The following USP47 variants were observed in gnomAD, a reference collection of about 807,000 sequenced individuals.
The protein encoded by USP47 is ubiquitin carboxyl-terminal hydrolase 47.
USP47 carries 35 observed loss-of-function variants against 165.1 expected under a neutral mutation model. That is an observed-to-expected ratio of 0.21 (90% confidence interval 0.16 to 0.28). The LOEUF is 0.28. USP47 is among the 10% of genes least tolerant of loss of function. USP47 has a pLI of 1.00. For missense variants in USP47, 1,277 were observed against 1,607.4 expected (o/e 0.79, Z 3.52); for synonymous variants, 531 against 544.5 (o/e 0.98, Z 0.35).
chr11:11,864,090 AT>A (rs983647421), intron 1 of USP47, among the ~76,000 whole-genome samples: 2 of 152,120 alleles, frequency 1.3e-5, no homozygotes, highest in African/African-American at 4.8e-5. Flanking sequence ...TGAGAGCTAT[AT>A]TTATTTTATA....
At chr11:11,888,735 C>T (rs1851326456) in intron 3 of USP47, among the ~76,000 whole-genome samples, 1 of 152,116 alleles carries the variant, frequency 6.6e-6, no homozygotes, top group Non-Finnish European at 1.5e-5. Flanking sequence ...CCAAACCTGG[C>T]AGAGATACAA....
At chr11:11,893,187 T>C (rs1044117369) in intron 4 of USP47, among the ~76,000 whole-genome samples, 1 of 152,232 alleles carries the variant, frequency 6.6e-6, no homozygotes, top group Non-Finnish European at 1.5e-5. Context: ...GAATAAATCT[T>C]GATAAATTTA....
chr11:11,893,026 A>AAT (rs2134388372), intron 4 of USP47, among the ~76,000 whole-genome samples: 1 of 152,170 alleles, frequency 6.6e-6, no homozygotes, highest in Non-Finnish European at 1.5e-5. Flanking sequence ...TATTCATTTT[A>AAT]GTGCTTGAAA....
intron 5 of USP47, among the ~76,000 whole-genome samples, chr11:11,901,779 T>C (rs1032800800): frequency 6.6e-6 from 1 of 151,918 alleles, no homozygotes; most frequent in African/African-American, 2.4e-5. Flanking sequence ...GCCAACATGG[T>C]GAAACCCAGT....
chr11:11,897,534 T>C (rs746963045), intron 4 of USP47, 63 bp from the exon 5 acceptor site: 73 of 1,189,328 alleles, frequency 6.1e-5, no homozygotes, highest in Non-Finnish European at 7.9e-5. Context: ...TAAATTCTTA[T>C]TATGTTTTTG....
chr11:11,845,111 A>G (rs1014658554), intron 1 of USP47, among the ~76,000 whole-genome samples: 1 of 152,226 alleles, frequency 6.6e-6, no homozygotes. Flanking sequence ...CCATTTATTT[A>G]GTATTTTGTA....
chr11:11,885,861 TG>T (rs1851129403), intron 3 of USP47, among the ~76,000 whole-genome samples: 3 of 152,138 alleles, frequency 2.0e-5, no homozygotes, highest in Non-Finnish European at 4.4e-5. Context: ...CAGGACCCCC[TG>T]GGACAGAGTT....
chr11:11,943,324 A>G, intron 20 of USP47: 1 of 349,674 alleles, frequency 2.9e-6, no homozygotes. Context: ...GATAAGAAGT[A>G]AAAAAAAATA....
chr11:11,915,956 A>T (rs1180821202), intron 8 of USP47, among the ~76,000 whole-genome samples: 1 of 152,206 alleles, frequency 6.6e-6, no homozygotes, highest in Non-Finnish European at 1.5e-5. Flanking sequence ...TAATTGATGA[A>T]TAATTCATAT....
intron 15 of USP47, 87 bp from the exon 16 acceptor site, chr11:11,933,744 T>C (rs1854848056): frequency 3.3e-6 from 3 of 898,142 alleles, no homozygotes; most frequent in African/African-American, 1.7e-5. Flanking sequence ...AAAATTGCAG[T>C]ATTTTGACAA....
At position 11,959,177 on chromosome 11, in the gene USP47, T is replaced by C. The variant is rs1847345788; in HGVS notation, c.*3002T>C. The C allele has an allele frequency of 6.6e-6, 1 of 152,232 alleles. No homozygotes were observed. Among genetic ancestry groups the C allele is most frequent in the Non-Finnish European group, 1.5e-5 (1 of 68,048 alleles). The allele number at this position is 152,232 out of a possible 1,614,324, so 9.4% of individuals were successfully genotyped here. ...TCATTTGCTAGTACTTCCTTTTTGA[T>C]TGGATACTGTAGTTCTTCCTCTGGA... On this transcript the variant is annotated 3_prime_UTR_variant, in exon 28 of 28. Coordinates refer to ENST00000527733, the MANE Select transcript of USP47 (RefSeq NM_001282659.2).
At chr11:11,843,375 A>G (rs1848251425) in intron 1 of USP47, among the ~76,000 whole-genome samples, 1 of 152,234 alleles carries the variant, frequency 6.6e-6, no homozygotes, top group Admixed American at 6.5e-5. Flanking sequence ...GCAGAGAGTT[A>G]TGTGTCAGTA....
At chr11:11,904,395 A>G (rs1027893492) in intron 7 of USP47, among the ~76,000 whole-genome samples, 1 of 152,200 alleles carries the variant, frequency 6.6e-6, no homozygotes, top group Non-Finnish European at 1.5e-5. Context: ...AAGTTTATGA[A>G]AGAGGCAAGA....
chr11:11,921,109 T>G (rs1330455871), intron 10 of USP47, among the ~76,000 whole-genome samples: 1 of 151,854 alleles, frequency 6.6e-6, no homozygotes, highest in South Asian at 2.1e-4. Context: ...CCTTATTCAA[T>G]GAAAGACTTA....
intron 27 of USP47, 95 bp from the exon 28 acceptor site, chr11:11,955,906 A>C: frequency 1.0e-6 from 1 of 1,002,806 alleles, no homozygotes. Flanking sequence ...AACAGATTTC[A>C]TTATCTTGCT....
intron 6 of USP47, 109 bp from the exon 7 acceptor site, chr11:11,903,154 C>A: frequency 9.4e-7 from 1 of 1,068,286 alleles, no homozygotes; most frequent in Non-Finnish European, 1.3e-6. Context: ...TTAAATTTGG[C>A]ATTATTTAAG....
rs1848144387 is a variant in USP47, at chr11:11,842,003, G to T, written c.-183G>T. On this transcript the variant is annotated 5_prime_UTR_variant, in exon 1 of 28. Coordinates refer to ENST00000527733, the MANE Select transcript of USP47 (RefSeq NM_001282659.2). ...GGCGGCTGTGGTAGCGGCGGCGGCG[G>T]CGGCGGAGCCCTGGGTCGGTGTCTG... 5.1e-6 allele frequency: 3 copies of T among 586,308 alleles called. No homozygotes were observed. In the East Asian group the frequency reaches 1.0e-4, roughly 20 times the overall value. The allele number at this position is 586,308 out of a possible 1,614,324, so 36.3% of individuals were successfully genotyped here.
intron 7 of USP47, among the ~76,000 whole-genome samples, chr11:11,903,800 A>C (rs760219809): frequency 3.3e-5 from 5 of 152,178 alleles, no homozygotes; most frequent in Non-Finnish European, 7.4e-5. Flanking sequence ...CCCGATTCTT[A>C]TGTAATGGAA....
At chr11:11,867,590 A>C (rs983828136) in intron 1 of USP47, among the ~76,000 whole-genome samples, 5 of 152,120 alleles carry the variant, frequency 3.3e-5, no homozygotes, top group African/African-American at 1.2e-4. Flanking sequence ...AGCATGTTAA[A>C]CATTTATTTT....
Sources: gnomAD v4.1 joint callset for allele counts (sites outside exome capture counted in the v4.1 genomes callset) on GRCh38, gnomAD v4.1.1 for gene constraint, MANE v1.5 for transcripts, NCBI Gene and HGNC (gene_info 2026-07-23, HGNC 2026-07-21) for gene names.